TBL1X: variants seen among roughly 807,000 people sequenced by gnomAD.
The protein encoded by TBL1X is transducin beta like 1 X-linked.
TBL1X carries 10 observed loss-of-function variants against 50.7 expected under a neutral mutation model. The ratio of observed to expected loss-of-function variants is 0.20; its 90% CI spans 0.12 to 0.33. The LOEUF is 0.33. TBL1X is among the 10% of genes least tolerant of loss of function. The pLI, the probability that TBL1X is intolerant of heterozygous loss-of-function variation, is 1.00. For missense variants in TBL1X, 340 were observed against 504.4 expected (o/e 0.67, Z 3.12); for synonymous variants, 190 against 214.7 (o/e 0.88, Z 1.01).
rs756217788 is a variant in TBL1X, at chrX:9,509,756, G to C, written c.-131+7907G>C. ...CCACCTCGGCCTTTCAAAATGCTAGGTTTACAGGTATGAGCCACTGTGCCT... is the reference window on the plus strand; with the variant it reads ...CCACCTCGGCCTTTCAAAATGCTAGCTTTACAGGTATGAGCCACTGTGCCT... On this transcript the variant is annotated intron_variant, in intron 2 of 17. Transcript: ENST00000645353. Among the ~76,000 whole-genome samples, 57 of 110,485 alleles carry C rather than the reference G, an allele frequency of 5.2e-4. No homozygotes were observed. In the Middle Eastern group the frequency reaches 0.023, roughly 45 times the overall value.
chrX:9,496,045 A>T (rs895854581), intron 1 of TBL1X, among the ~76,000 whole-genome samples: 1 of 112,747 alleles, frequency 8.9e-6, no homozygotes, highest in Non-Finnish European at 1.9e-5. Flanking sequence ...CTGTGTGTGT[A>T]TACATAGTGT....
intron 2 of TBL1X, among the ~76,000 whole-genome samples, chrX:9,598,068 A>T (rs1180306394): frequency 9.0e-6 from 1 of 111,463 alleles, no homozygotes; most frequent in African/African-American, 3.3e-5. Flanking sequence ...AAATTTGGAC[A>T]CACTCGTACA....
At chrX:9,499,613 A>T (rs764923625) in intron 1 of TBL1X, among the ~76,000 whole-genome samples, 1 of 112,433 alleles carries the variant, frequency 8.9e-6, no homozygotes, top group South Asian at 3.7e-4. Context: ...TAAAGGGACA[A>T]ACGTTGGCCC....
intron 2 of TBL1X, among the ~76,000 whole-genome samples, chrX:9,511,902 C>T (rs1490725579): frequency 9.0e-6 from 1 of 111,693 alleles, no homozygotes; most frequent in Non-Finnish European, 1.9e-5. Context: ...GCTCTGTTGC[C>T]TGGGTTGGCG....
At chrX:9,603,245 G>A (rs1359789271) in intron 2 of TBL1X, among the ~76,000 whole-genome samples, 1 of 112,095 alleles carries the variant, frequency 8.9e-6, no homozygotes, top group East Asian at 2.8e-4. Flanking sequence ...CAGGTCCCTC[G>A]GGTCCAGGCT....
chrX:9,472,372 GC>G (rs1402612175), intron 1 of TBL1X, among the ~76,000 whole-genome samples: 2 of 109,653 alleles, frequency 1.8e-5, no homozygotes, highest in Non-Finnish European at 3.8e-5. Flanking sequence ...TGATCCTTCT[GC>G]CTCAGCCTCC....
At chrX:9,697,266 C>T (rs780111460) in intron 11 of TBL1X, 103 bp from the exon 12 acceptor site, 37 of 1,054,089 alleles carry the variant, frequency 3.5e-5, no homozygotes, top group Non-Finnish European at 4.2e-5. Context: ...TGGACAGTGC[C>T]GGTTTATAAG....
intron 2 of TBL1X, among the ~76,000 whole-genome samples, chrX:9,506,188 C>G (rs1393248528): frequency 8.9e-6 from 1 of 112,027 alleles, no homozygotes; most frequent in African/African-American, 3.2e-5. Context: ...GAACAACTTG[C>G]TCCTGGATGA....
intron 5 of TBL1X, among the ~76,000 whole-genome samples, chrX:9,676,835 C>A (rs2082997726): frequency 8.9e-6 from 1 of 111,810 alleles, no homozygotes; most frequent in Non-Finnish European, 1.9e-5. Flanking sequence ...TTCTCCCCAG[C>A]ATATTTTTTT....
chrX:9,620,712 C>T (rs776481753), intron 2 of TBL1X, among the ~76,000 whole-genome samples: 3 of 111,866 alleles, frequency 2.7e-5, no homozygotes, highest in Non-Finnish European at 5.6e-5. Context: ...GAGTGACCAA[C>T]AGAGCAGAGG....
Position 9,509,365 on chromosome X carries a change from C to CAAA in TBL1X, c.-131+7534_-131+7536dup, listed in dbSNP as rs35090230. ...GAGGCGACAAAGCGAGACTCTGTCT[C>CAAA]AAAAAAAAAAAAAAAAAAAAGATTT... On this transcript the variant is annotated intron_variant, in intron 2 of 17. Transcript: ENST00000645353. 2.7e-3 allele frequency among the ~76,000 whole-genome samples: 136 copies of CAAA among 50,369 alleles called. 3 individuals are homozygous for CAAA. Among genetic ancestry groups the CAAA allele is most frequent in the African/African-American group, 0.01 (136 of 13,200 alleles). 43.7% of individuals were successfully genotyped at this position (50,369 alleles called of 115,157 possible).
chrX:9,603,413 A>G (rs757335997), intron 2 of TBL1X, among the ~76,000 whole-genome samples: 1 of 112,846 alleles, frequency 8.9e-6, no homozygotes, highest in African/African-American at 3.2e-5. Flanking sequence ...GCAGTTGCAT[A>G]CACAGATGTA....
At chrX:9,690,899 C>CTTGTTGTTG (rs765757640) in intron 7 of TBL1X, among the ~76,000 whole-genome samples, 1 of 110,254 alleles carries the variant, frequency 9.1e-6, no homozygotes, top group Non-Finnish European at 1.9e-5. Flanking sequence ...TGGCTAACTT[C>CTTGTTGTTG]TTGTTGTTGT....
chrX:9,683,855 C>T (rs959086863), intron 5 of TBL1X, 188 bp from the exon 6 acceptor site: 5 of 543,721 alleles, frequency 9.2e-6, no homozygotes, highest in African/African-American at 4.6e-5. Context: ...GAAGTCCCTC[C>T]CTCTCTCCCT....
chrX:9,579,783 T>G (rs1421072216), intron 2 of TBL1X, among the ~76,000 whole-genome samples: 1 of 111,048 alleles, frequency 9.0e-6, no homozygotes, highest in African/African-American at 3.3e-5. Context: ...CTTTTCATTT[T>G]AGCATGGAGC....
chrX:9,705,926 G>C (rs1418469788), intron 13 of TBL1X, among the ~76,000 whole-genome samples: 1 of 111,010 alleles, frequency 9.0e-6, no homozygotes, highest in Non-Finnish European at 1.9e-5. Flanking sequence ...GGCAGCATCT[G>C]CTTCTGGGGA....
chrX:9,589,705 G>C (rs1251217025), intron 2 of TBL1X, among the ~76,000 whole-genome samples: 1 of 111,536 alleles, frequency 9.0e-6, no homozygotes, highest in African/African-American at 3.3e-5. Flanking sequence ...AAGAATACCC[G>C]TAAAGCAAAC....
chrX:9,652,879 A>AAAAGAGGC (rs1406791663), intron 3 of TBL1X, among the ~76,000 whole-genome samples: 2 of 110,763 alleles, frequency 1.8e-5, no homozygotes, highest in Non-Finnish European at 3.8e-5. Flanking sequence ...AAGAAAGAAA[A>AAAAGAGGC]AAAGAGGCCA....
intron 1 of TBL1X, among the ~76,000 whole-genome samples, chrX:9,475,979 C>G (rs1394561914): frequency 8.0e-5 from 9 of 112,294 alleles, no homozygotes; most frequent in African/African-American, 2.9e-4. Context: ...CGTGTACCAG[C>G]AGGATGCCTA....
Sources: gnomAD v4.1 joint callset for allele counts (sites outside exome capture counted in the v4.1 genomes callset) on GRCh38, gnomAD v4.1.1 for gene constraint, MANE v1.5 for transcripts, NCBI Gene and HGNC (gene_info 2026-07-23, HGNC 2026-07-21) for gene names.